AAMDC: variants seen among roughly 807,000 people sequenced by gnomAD.
The protein encoded by AAMDC is adipogenesis associated Mth938 domain containing.
Under a neutral mutation model 15.5 loss-of-function variants are expected in AAMDC, and 16 were observed. The ratio of observed to expected loss-of-function variants is 1.03; its 90% confidence interval spans 0.70 to 1.57. The LOEUF (loss-of-function observed/expected upper bound fraction) is 1.57, where lower values mean the gene tolerates loss of function less well. Ranked by LOEUF, AAMDC falls within the 40% of genes most tolerant of loss-of-function variation. The probability of loss-of-function intolerance (pLI) is 0.00; values close to 1 mark genes in which losing one functional copy is unlikely to be tolerated. For missense variants in AAMDC, 141 were observed against 144.9 expected, an observed-to-expected ratio of 0.97 and a Z score of 0.14; for synonymous variants, 51 against 51.6, an observed-to-expected ratio of 0.99 and a Z score of 0.05.
intron 2 of AAMDC, among the ~76,000 whole-genome samples, chr11:77,859,168 T>C (rs1590961724): frequency 6.6e-6 from 1 of 152,228 alleles, no homozygotes; most frequent in African/African-American, 2.4e-5. Context: ...CCTCCTGAGG[T>C]TCCCCATTCT....
chr11:77,900,250 C>G (rs543764692), intron 5 of AAMDC, among the ~76,000 whole-genome samples: 1 of 152,034 alleles, frequency 6.6e-6, no homozygotes, highest in African/African-American at 2.4e-5. Flanking sequence ...CTGGTGCATG[C>G]CACCATGCCC....
At chr11:77,834,853 A>C (rs1478941990) in intron 1 of AAMDC, among the ~76,000 whole-genome samples, 1 of 152,192 alleles carries the variant, frequency 6.6e-6, no homozygotes, top group Non-Finnish European at 1.5e-5. Flanking sequence ...TTTAGTTTCA[A>C]ATCTCACCTT....
At chr11:77,847,052 A>T (rs184768058) in intron 2 of AAMDC, among the ~76,000 whole-genome samples, 413 of 152,298 alleles carry the variant, frequency 2.7e-3, no homozygotes, top group African/African-American at 8.8e-3. Context: ...TATGGTTATA[A>T]ATTATCAGGG....
chr11:77,869,162 G>T, intron 2 of AAMDC: 2 of 243,518 alleles, frequency 8.2e-6, no homozygotes, highest in East Asian at 9.7e-5. Context: ...GACATATATT[G>T]GGTGCATCTC....
chr11:77,869,962 T>C, intron 3 of AAMDC, 145 bp downstream of exon 3: 1 of 649,150 alleles, frequency 1.5e-6, no homozygotes. Context: ...GCTGCACACA[T>C]TCCTCTGCCT....
In AAMDC at chr11:77,885,230, G is replaced by A. The variant is rs185243838; in HGVS notation, c.328+8181G>A. Reference sequence around the variant, plus strand: ...GTAGCTGGGATTACAGGCGCCCACCGTCATGCCCGGCTAATTTTGTATCTT... The same window carrying A: ...GTAGCTGGGATTACAGGCGCCCACCATCATGCCCGGCTAATTTTGTATCTT... On this transcript the variant is annotated intron_variant, in intron 5 of 5. Transcript: ENST00000304716. 7.2e-5 allele frequency among the ~76,000 whole-genome samples: 11 copies of A among 151,934 alleles called. No homozygotes were observed. The East Asian group carries it at 7.8e-4, about 11-fold the overall frequency.
At chr11:77,905,094 G>A (rs144666743), downstream of AAMDC, among the ~76,000 whole-genome samples, 2,030 of 152,206 alleles carry the variant, frequency 0.013, 39 homozygotes, top group African/African-American at 0.046. Context: ...TGTACTAAGT[G>A]GAGACTATCT....
intron 5 of AAMDC, among the ~76,000 whole-genome samples, chr11:77,890,619 G>C (rs994046028): frequency 1.3e-5 from 2 of 152,100 alleles, no homozygotes; most frequent in Non-Finnish European, 2.9e-5. Context: ...ATAATTGCCT[G>C]CCCATTTGTA....
chr11:77,877,812 G>C (rs1951641559), intron 5 of AAMDC, among the ~76,000 whole-genome samples: 1 of 151,748 alleles, frequency 6.6e-6, no homozygotes, highest in Non-Finnish European at 1.5e-5. Flanking sequence ...TGAACTCCTG[G>C]GCTCAAGAAA....
At chr11:77,869,101 A>G in intron 2 of AAMDC, 1 of 278,134 alleles carries the variant, frequency 3.6e-6, no homozygotes, top group Non-Finnish European at 7.0e-6. Context: ...ATAGATTCAC[A>G]TGTACCATGT....
intron 2 of AAMDC, among the ~76,000 whole-genome samples, chr11:77,863,600 G>A (rs1950978835): frequency 1.3e-5 from 2 of 152,184 alleles, no homozygotes; most frequent in African/African-American, 4.8e-5. Flanking sequence ...TGTTGGCCAG[G>A]ATGGTCTTGA....
intron 2 of AAMDC, among the ~76,000 whole-genome samples, chr11:77,845,983 TTTG>T (rs1183613285): frequency 6.6e-6 from 1 of 152,116 alleles, no homozygotes; most frequent in East Asian, 1.9e-4. Context: ...TCTTAATGTC[TTTG>T]TTGTTTTGTT....
intron 5 of AAMDC, chr11:77,883,772 A>G (rs563437501): frequency 1.3e-6 from 2 of 1,567,112 alleles, no homozygotes; most frequent in East Asian, 4.5e-5. Flanking sequence ...CCAAACGCTT[A>G]AGGGTAGGTG....
At chr11:77,860,998 T>C (rs1950853330) in intron 2 of AAMDC, among the ~76,000 whole-genome samples, 1 of 152,192 alleles carries the variant, frequency 6.6e-6, no homozygotes, top group Non-Finnish European at 1.5e-5. Flanking sequence ...TTTTAGGTTC[T>C]TAACAATTTT....
chr11:77,872,909 C>T (rs1330661348), downstream of AAMDC, among the ~76,000 whole-genome samples: 3 of 152,172 alleles, frequency 2.0e-5, no homozygotes, highest in Non-Finnish European at 4.4e-5. Flanking sequence ...CGAAATGGTG[C>T]CACTGCACTC....
chr11:77,838,091 T>A (rs1162892683), intron 1 of AAMDC, among the ~76,000 whole-genome samples: 1 of 152,074 alleles, frequency 6.6e-6, no homozygotes, highest in African/African-American at 2.4e-5. Flanking sequence ...TAATAATAAG[T>A]TGAACTTGCA....
chr11:77,826,886 C>T (rs186303264), intron 1 of AAMDC, among the ~76,000 whole-genome samples: 1 of 152,156 alleles, frequency 6.6e-6, no homozygotes, highest in Non-Finnish European at 1.5e-5. Flanking sequence ...GGGCAGAACA[C>T]CTGAGGTCAG....
rs548654609 is a variant in AAMDC at position 77,853,728 on chromosome 11, G to A, written c.132+11100G>A. 2.0e-5 allele frequency among the ~76,000 whole-genome samples: 3 copies of A among 152,138 alleles called. No individual in the cohort carries two copies. In the East Asian group the frequency reaches 5.9e-4, roughly 30 times the overall value. On this transcript the variant is annotated intron_variant, in intron 2 of 3. Transcript: ENST00000393427. ...GGCCAAAGTGGATGGATTGCTTCAG[G>A]TGAGGAGTTCAAGACCAGCCTGGCC...
intron 5 of AAMDC, among the ~76,000 whole-genome samples, chr11:77,896,439 G>A (rs1200988498): frequency 6.6e-6 from 1 of 152,074 alleles, no homozygotes; most frequent in African/African-American, 2.4e-5. Flanking sequence ...ATCACCGGAG[G>A]TCAGAAGTTC....
Sources: allele counts gnomAD v4.1 joint callset (sites outside exome capture counted in the v4.1 genomes callset), GRCh38; gene constraint gnomAD v4.1.1; transcripts MANE v1.5; gene names NCBI Gene and HGNC (gene_info 2026-07-23, HGNC 2026-07-21).